The following KCNC4 variants were observed in gnomAD, a reference collection of about 807,000 sequenced individuals.
The protein encoded by KCNC4 is voltage-gated potassium channel KCNC4.
A neutral mutation model predicts 42.8 loss-of-function variants in KCNC4; 23 were observed. The ratio of observed to expected loss-of-function variants is 0.54; its 90% CI spans 0.39 to 0.76. The LOEUF (loss-of-function observed/expected upper bound fraction) is 0.76. Among genes scored for constraint, KCNC4 ranks in the 30% least tolerant of loss-of-function variants. KCNC4 has a pLI of 0.00. For missense variants in KCNC4, 751 were observed against 898.2 expected (o/e 0.84, Z 2.10); for synonymous variants, 422 against 393.5 (o/e 1.07, Z -0.86).
At chr1:110,248,454 T>G (rs1334760857) in exon 4 of KCNC4, 3 of 33,640 alleles carry the variant, frequency 8.9e-5, no homozygotes, top group East Asian at 9.7e-4. Flanking sequence ...TTTGTTTTTG[T>G]TTTTTTTTGG....
chr1:110,238,151 A>G (rs11102067), downstream of KCNC4: 57,957 of 152,106 alleles, frequency 0.38, 11,184 homozygotes, highest in Admixed American at 0.4. Flanking sequence ...TGATGTTGGC[A>G]CTGGAAGCCT....
At chr1:110,271,660 A>G (rs1458124939) in intron 1 of KCNC4, among the ~76,000 whole-genome samples, 1 of 152,160 alleles carries the variant, frequency 6.6e-6, no homozygotes, top group East Asian at 1.9e-4. Flanking sequence ...AGGCCATTCC[A>G]ACAAAAAGTG....
At position 110,223,390 on chromosome 1, in the gene KCNC4, G is replaced by A. The variant is rs932458338; in HGVS notation, c.1105G>A (p.Val369Met). ...CACACGCCACTTCGTGGGGCTACGC[G>A]TGCTGGGCCACACCCTGAGGGCCAG... ...KLTRHFVGLR[V>M]LGHTLRASTN... Residue 369 changes from valine (V) to methionine (M), a missense_variant, in exon 2 of 4, where the codon GTG (valine) becomes ATG (methionine). This residue lies in a region of KCNC4 where 185 missense variants were observed against 293.7 expected (regional missense o/e 0.63). Coordinates refer to ENST00000438661, the MANE Select transcript of KCNC4 (RefSeq NM_001039574.3). This position sits in a 1 kb window ranked among gnomAD's most constrained non-coding sequence, Gnocchi z 7.5. 7.4e-6 allele frequency: 12 copies of A among 1,613,786 alleles called. No homozygotes were observed. The highest frequency in any genetic ancestry group is 9.3e-6 in the Non-Finnish European group (11 of 1,180,012).
At chr1:110,266,995 A>T (rs4839278) in intron 1 of KCNC4, among the ~76,000 whole-genome samples, 89,239 of 152,052 alleles carry the variant, frequency 0.59, 26,584 homozygotes, top group African/African-American at 0.68. Flanking sequence ...CCTGCAGCAA[A>T]ACAAACTGCA....
intron 1 of KCNC4, among the ~76,000 whole-genome samples, chr1:110,258,541 C>T (rs754219310): frequency 2.0e-5 from 3 of 152,148 alleles, no homozygotes; most frequent in Non-Finnish European, 4.4e-5. Context: ...TGGCCATTTC[C>T]TGCTTCTTAA....
At chr1:110,262,883 G>A (rs1301886236) in intron 1 of KCNC4, among the ~76,000 whole-genome samples, 1 of 152,164 alleles carries the variant, frequency 6.6e-6, no homozygotes, top group Non-Finnish European at 1.5e-5. Flanking sequence ...TGATGAGGAC[G>A]TCCTGTCTTT....
intron 1 of KCNC4, among the ~76,000 whole-genome samples, chr1:110,254,307 A>G (rs1410779803): frequency 2.0e-5 from 3 of 152,148 alleles, no homozygotes; most frequent in Non-Finnish European, 4.4e-5. Context: ...CTCTAAGCCA[A>G]CCAGCCAGCC....
At chr1:110,268,065 T>G (rs1210189205) in intron 1 of KCNC4, among the ~76,000 whole-genome samples, 1 of 152,126 alleles carries the variant, frequency 6.6e-6, no homozygotes, top group Non-Finnish European at 1.5e-5. Context: ...CTTCCCCAGC[T>G]ATTCCTATAT....
chr1:110,262,039 C>T (rs1659464068), intron 1 of KCNC4, among the ~76,000 whole-genome samples: 3 of 152,152 alleles, frequency 2.0e-5, no homozygotes, highest in Non-Finnish European at 4.4e-5. Flanking sequence ...TTTTGTAATA[C>T]CTTTAAATCT....
intron 3 of KCNC4, among the ~76,000 whole-genome samples, chr1:110,229,918 G>A (rs1469077072): frequency 1.3e-5 from 2 of 152,198 alleles, no homozygotes; most frequent in Non-Finnish European, 2.9e-5. Flanking sequence ...GCAATTTTGC[G>A]GAGAGAATGA....
chr1:110,283,578 C>A (rs1659864467), downstream of KCNC4, among the ~76,000 whole-genome samples: 1 of 152,212 alleles, frequency 6.6e-6, no homozygotes, highest in Admixed American at 6.5e-5. Context: ...GGACGCCTAG[C>A]AGACCCAGAT....
At chr1:110,268,423 C>T (rs1659580913) in intron 1 of KCNC4, among the ~76,000 whole-genome samples, 2 of 152,082 alleles carry the variant, frequency 1.3e-5, no homozygotes, top group South Asian at 4.1e-4. Flanking sequence ...CTGGCTAACA[C>T]GGTGAAACCC....
chr1:110,229,501 C>G (rs1016422926), intron 3 of KCNC4, among the ~76,000 whole-genome samples: 1 of 152,196 alleles, frequency 6.6e-6, no homozygotes, highest in African/African-American at 2.4e-5. Flanking sequence ...GCTGCTTCCT[C>G]TGCTTCTGCG....
chr1:110,223,206 G>C lies in KCNC4; in HGVS notation c.921G>C (p.Leu307=). 1 of 1,614,212 alleles carries C rather than the reference G, an allele frequency of 6.2e-7. No individual in the cohort carries two copies. The highest frequency in any genetic ancestry group is 1.1e-5 in the South Asian group (1 of 91,088). ...LVRIVCCPDT[L]DFVKNLLNII... ...GCATCGTGTGCTGCCCCGACACGCT[G>C]GACTTCGTCAAGAACCTGCTCAACA... is the stretch of plus-strand genomic sequence containing the variant. Residue 307 remains leucine, a synonymous_variant, in exon 2 of 4, where the codon CTG becomes CTC. Transcript: ENST00000438661. The surrounding 1 kb of genome is among the most constrained non-coding windows in gnomAD (Gnocchi z 7.5).
intron 2 of KCNC4, chr1:110,225,230 G>C (rs2784147): frequency 0.45 from 68,968 of 152,150 alleles, 15,991 homozygotes; most frequent in Non-Finnish European, 0.49. Context: ...CTGACCCTGA[G>C]AGCAGCCACA....
chr1:110,222,786 C>T (rs1658169621), intron 1 of KCNC4, 178 bp from the exon 2 acceptor site: 2 of 586,046 alleles, frequency 3.4e-6, no homozygotes, highest in East Asian at 5.6e-5. Flanking sequence ...CGAGAGCCCC[C>T]AAGCATATGG....
At chr1:110,251,163 C>T (rs567085765), downstream of KCNC4, among the ~76,000 whole-genome samples, 2 of 152,304 alleles carry the variant, frequency 1.3e-5, no homozygotes, top group East Asian at 1.9e-4. Flanking sequence ...TCACTGCATG[C>T]TAGTCCGGCT....
intron 2 of KCNC4, 136 bp from the exon 3 acceptor site, chr1:110,225,839 T>C: frequency 1.2e-6 from 1 of 802,884 alleles, no homozygotes; most frequent in Non-Finnish European, 2.0e-6. Flanking sequence ...GCTCTGGCAA[T>C]GCTGCCTCTC....
At chr1:110,227,631 G>A (rs1316226785) in intron 3 of KCNC4, among the ~76,000 whole-genome samples, 1 of 152,238 alleles carries the variant, frequency 6.6e-6, no homozygotes, top group Admixed American at 6.5e-5. Flanking sequence ...GGCTTCCACT[G>A]TGTCCTTGTT....
Sources: allele counts gnomAD v4.1 joint callset (sites outside exome capture counted in the v4.1 genomes callset), GRCh38; gene constraint gnomAD v4.1.1; regional missense constraint gnomAD v4.1.1; non-coding constraint Gnocchi (gnomAD v3.1); transcripts MANE v1.5; gene names NCBI Gene and HGNC (gene_info 2026-07-23, HGNC 2026-07-21).